The following GRIK3 variants were observed in gnomAD, a reference collection of about 807,000 sequenced individuals.
GRIK3 encodes the protein glutamate ionotropic receptor kainate type subunit 3.
GRIK3 carries 29 observed loss-of-function variants against 102.5 expected under a neutral mutation model. The observed-to-expected ratio is 0.28, with a 90% CI of 0.21 to 0.39. GRIK3 has a LOEUF of 0.39. Among genes scored for constraint, GRIK3 ranks in the 10% least tolerant of loss-of-function variants. The pLI is 1.00. For synonymous variants in GRIK3, 511 were observed against 504.9 expected (o/e 1.01, Z -0.16); for missense variants, 908 against 1,252.4 (o/e 0.73, Z 4.15).
chr1:37,033,658 C>T (rs1455396260), intron 1 of GRIK3, among the ~76,000 whole-genome samples: 1 of 152,180 alleles, frequency 6.6e-6, no homozygotes, highest in Non-Finnish European at 1.5e-5. Flanking sequence ...TCGCAGAACT[C>T]GGTCGGCTGC....
chr1:36,903,857 G>A (rs1320892305), intron 1 of GRIK3, among the ~76,000 whole-genome samples: 1 of 152,170 alleles, frequency 6.6e-6, no homozygotes, highest in Non-Finnish European at 1.5e-5. Flanking sequence ...TTTTAGGGCA[G>A]TCAAATGATT....
intron 10 of GRIK3, among the ~76,000 whole-genome samples, chr1:36,828,085 A>C (rs569734538): frequency 2.8e-5 from 4 of 145,140 alleles, no homozygotes; most frequent in Non-Finnish European, 4.4e-5. Flanking sequence ...AAAAAAAAAA[A>C]AAACTCTCAG....
chr1:37,029,297 G>T (rs1031296402), intron 1 of GRIK3, among the ~76,000 whole-genome samples: 7 of 152,242 alleles, frequency 4.6e-5, no homozygotes, highest in Non-Finnish European at 1.0e-4. Context: ...CTGGGTGCTA[G>T]CCTCAACGAG....
In GRIK3 at chr1:36,841,878, T is replaced by G. The variant is rs1640455880; in HGVS notation, c.1388A>C (p.Glu463Ala). Reference sequence around the variant, plus strand: ...CTTTAGCAGGTCGATGCAGTAGCCCTCGAACCGGTCATTCCCGTATAGCGT... The same window carrying G: ...CTTTAGCAGGTCGATGCAGTAGCCCGCGAACCGGTCATTCCCGTATAGCGT... ...DRTLYGNDRFEGYCIDLLKEL... is the reference protein window; with the variant it reads ...DRTLYGNDRFAGYCIDLLKEL... Residue 463 changes from glutamate (E) to alanine (A), a missense_variant, in exon 10 of 16, where the codon GAG (glutamate) becomes GCG (alanine). Physicochemically the swap from Glu to Ala is moderately radical, Grantham distance 107. Coordinates refer to ENST00000373091, the MANE Select transcript of GRIK3 (RefSeq NM_000831.4). 4.3e-6 allele frequency: 7 copies of G among 1,614,046 alleles called. No homozygotes were observed. Among genetic ancestry groups the G allele is most frequent in the African/African-American group, 1.3e-5 (1 of 74,904 alleles).
chr1:36,833,593 C>T (rs1304945176), intron 10 of GRIK3, among the ~76,000 whole-genome samples: 3 of 152,246 alleles, frequency 2.0e-5, no homozygotes, highest in Non-Finnish European at 4.4e-5. Context: ...GCGGAACCAT[C>T]CCTGGCATTG....
chr1:36,811,730 C>T (rs1642564938), intron 13 of GRIK3, among the ~76,000 whole-genome samples: 1 of 152,210 alleles, frequency 6.6e-6, no homozygotes, highest in South Asian at 2.1e-4. Context: ...TTCTGTTCAG[C>T]CAACTGGAGG....
chr1:36,951,511 C>T (rs1641843252), intron 1 of GRIK3, among the ~76,000 whole-genome samples: 1 of 152,224 alleles, frequency 6.6e-6, no homozygotes, highest in Admixed American at 6.5e-5. Flanking sequence ...GCCCCCTCTC[C>T]TCGGCAGCAT....
At chr1:36,828,453 T>C (rs1214123945) in intron 10 of GRIK3, among the ~76,000 whole-genome samples, 5 of 152,206 alleles carry the variant, frequency 3.3e-5, no homozygotes, top group Non-Finnish European at 7.3e-5. Flanking sequence ...TAACTTTGCA[T>C]ACACAAATGC....
chr1:36,965,366 T>G (rs758588822), intron 1 of GRIK3, among the ~76,000 whole-genome samples: 2 of 152,068 alleles, frequency 1.3e-5, no homozygotes. Context: ...AAGATGAGAA[T>G]AAGCAAGCAA....
At chr1:36,879,480 G>C (rs961489814) in intron 3 of GRIK3, among the ~76,000 whole-genome samples, 1 of 152,188 alleles carries the variant, frequency 6.6e-6, no homozygotes, top group African/African-American at 2.4e-5. Context: ...GTGACAGAAA[G>C]AGTGGGTTTT....
chr1:36,840,967 C>T (rs1640442280), intron 10 of GRIK3, among the ~76,000 whole-genome samples: 1 of 152,174 alleles, frequency 6.6e-6, no homozygotes, highest in Non-Finnish European at 1.5e-5. Context: ...TCAACATGCC[C>T]AATTTACAGA....
chr1:36,923,074 A>G (rs1245898820), intron 1 of GRIK3, among the ~76,000 whole-genome samples: 1 of 152,230 alleles, frequency 6.6e-6, no homozygotes, highest in East Asian at 1.9e-4. Flanking sequence ...TCTGAGTCAC[A>G]GGAGGTGACA....
intron 1 of GRIK3, among the ~76,000 whole-genome samples, chr1:37,028,187 T>C (rs1007493178): frequency 2.0e-5 from 3 of 151,642 alleles, no homozygotes; most frequent in African/African-American, 7.3e-5. Flanking sequence ...GGTCCCTGGG[T>C]GAGGAGGATG....
rs1053971773 is a variant in GRIK3, at chr1:36,800,013, ATG to A, written c.*1836_*1837del. 17 of 152,134 alleles carry A rather than the reference ATG, an allele frequency of 1.1e-4. No homozygotes were observed. Among genetic ancestry groups the A allele is most frequent in the Non-Finnish European group, 2.4e-4 (16 of 68,034 alleles). The allele number at this position is 152,134 out of a possible 1,614,324, so 9.4% of individuals were successfully genotyped here. On this transcript the variant is annotated 3_prime_UTR_variant, in exon 16 of 16. Coordinates refer to ENST00000373091, the MANE Select transcript of GRIK3 (RefSeq NM_000831.4). Reference sequence around the variant, plus strand: ...GTCTAGCCCTCCTCTCCCTCGTCCAATGTACATAGCCAGTCAGAGCTGCTAGG... The same window carrying A: ...GTCTAGCCCTCCTCTCCCTCGTCCAATACATAGCCAGTCAGAGCTGCTAGG...
At chr1:36,914,849 G>GCACC (rs1160636097) in intron 1 of GRIK3, among the ~76,000 whole-genome samples, 2 of 152,212 alleles carry the variant, frequency 1.3e-5, no homozygotes, top group African/African-American at 4.8e-5. Context: ...GCATGTGTAT[G>GCACC]CACCTGGGCA....
At chr1:36,994,169 C>G (rs1642391345) in intron 1 of GRIK3, among the ~76,000 whole-genome samples, 1 of 152,158 alleles carries the variant, frequency 6.6e-6, no homozygotes. Context: ...CAGGGTTACC[C>G]CCTTTTCCAT....
intron 1 of GRIK3, among the ~76,000 whole-genome samples, chr1:36,970,984 G>T (rs1055175525): frequency 5.9e-5 from 9 of 152,322 alleles, no homozygotes; most frequent in Admixed American, 5.9e-4. Context: ...TTGTTGGGGA[G>T]CCATGCAAAG....
intron 12 of GRIK3, among the ~76,000 whole-genome samples, chr1:36,818,789 G>A (rs758824573): frequency 1.3e-5 from 2 of 152,196 alleles, no homozygotes; most frequent in Non-Finnish European, 2.9e-5. Flanking sequence ...GATGACTGAG[G>A]GACAAGGACA....
intron 1 of GRIK3, among the ~76,000 whole-genome samples, chr1:37,021,090 A>ATG (rs1642706233): frequency 1.8e-5 from 2 of 112,858 alleles, no homozygotes; most frequent in African/African-American, 8.0e-5. Flanking sequence ...TCAAATTTGC[A>ATG]AGTGTGTGTG....
Sources: gnomAD v4.1 joint callset for allele counts (sites outside exome capture counted in the v4.1 genomes callset) on GRCh38, gnomAD v4.1.1 for gene constraint, MANE v1.5 for transcripts, NCBI Gene and HGNC (gene_info 2026-07-23, HGNC 2026-07-21) for gene names.